Variants in NUDCD3 observed in about 807,000 individuals in gnomAD.
NUDCD3 encodes NudC domain containing 3, also known as nudC domain-containing protein 3.
NUDCD3 carries 13 observed loss-of-function variants against 39.7 expected under a neutral mutation model. The observed-to-expected ratio is 0.33, with a 90% CI of 0.21 to 0.52. The LOEUF (loss-of-function observed/expected upper bound fraction) is 0.52, where lower values mean the gene tolerates loss of function less well. Ranked by LOEUF, NUDCD3 falls within the 20% of genes least tolerant of loss-of-function variation. The pLI is 0.96. For synonymous variants in NUDCD3, 175 were observed against 172.4 expected (o/e 1.02, Z -0.12); for missense variants, 453 against 458.1 (o/e 0.99, Z 0.10).
At chr7:44,441,391 G>C (rs1799581911) in intron 2 of NUDCD3, among the ~76,000 whole-genome samples, 1 of 152,132 alleles carries the variant, frequency 6.6e-6, no homozygotes, top group South Asian at 2.1e-4. Context: ...TATATCCTGG[G>C]AGGACTTTCA....
chr7:44,415,497 T>A (rs533798173), intron 3 of NUDCD3, among the ~76,000 whole-genome samples: 19 of 152,376 alleles, frequency 1.2e-4, no homozygotes, highest in African/African-American at 3.8e-4. Flanking sequence ...TGATTTTTTT[T>A]AAATGTTACG....
intron 3 of NUDCD3, among the ~76,000 whole-genome samples, chr7:44,416,545 C>T (rs545644280): frequency 6.6e-6 from 1 of 151,786 alleles, no homozygotes; most frequent in South Asian, 2.1e-4. Context: ...GTAAGAATGA[C>T]ATGGGGAAAA....
At position 44,481,039 on chromosome 7, in the gene NUDCD3, A is replaced by T. The variant is rs150905889; in HGVS notation, c.509+3929T>A. Among the ~76,000 whole-genome samples, 735 of 150,802 alleles carry T rather than the reference A, an allele frequency of 4.9e-3. 5 individuals carry two copies. The highest frequency in any genetic ancestry group is 0.017 in the African/African-American group (681 of 41,082). On this transcript the variant is annotated intron_variant, in intron 2 of 5. Coordinates refer to ENST00000355451, the MANE Select transcript of NUDCD3 (RefSeq NM_015332.4). The stretch of plus-strand genomic sequence containing the variant: ...GAACATGTACAAACTTCTTGTCATT[A>T]TTCCCCAAATAATACAGTGTAACAA...
intron 4 of NUDCD3, among the ~76,000 whole-genome samples, chr7:44,394,093 C>T (rs78302376): frequency 2.6e-5 from 4 of 152,308 alleles, no homozygotes; most frequent in East Asian, 1.9e-4. Flanking sequence ...GGGTGGGCAC[C>T]GATGTGGTGC....
chr7:44,389,502 C>T (rs1798470152), intron 5 of NUDCD3, among the ~76,000 whole-genome samples: 1 of 152,206 alleles, frequency 6.6e-6, no homozygotes, highest in Admixed American at 6.5e-5. Context: ...CACGGTGAAA[C>T]CCCGTCTCTA....
At chr7:44,395,304 G>A (rs1292544057) in intron 4 of NUDCD3, among the ~76,000 whole-genome samples, 1 of 152,216 alleles carries the variant, frequency 6.6e-6, no homozygotes, top group Non-Finnish European at 1.5e-5. Flanking sequence ...CTCCAAGGGG[G>A]CCATCCTCAC....
intron 3 of NUDCD3, among the ~76,000 whole-genome samples, chr7:44,409,609 T>C (rs1312315225): frequency 6.7e-6 from 1 of 148,702 alleles, no homozygotes; most frequent in Admixed American, 6.7e-5. Flanking sequence ...GTATGGCCCA[T>C]ACATAGGAAA....
In NUDCD3 at chr7:44,449,578, G is replaced by A. The variant is rs75493893; in HGVS notation, c.510-21875C>T. On this transcript the variant is annotated intron_variant, in intron 2 of 5. Coordinates refer to ENST00000355451, the MANE Select transcript of NUDCD3 (RefSeq NM_015332.4). ...TACAGGAGGCTTACTATGCAAAGAAGCAGAAGGAAAGGGGCAGAAACATAT... is the reference window on the plus strand; with the variant it reads ...TACAGGAGGCTTACTATGCAAAGAAACAGAAGGAAAGGGGCAGAAACATAT... Among the ~76,000 whole-genome samples the A allele has an allele frequency of 5.1e-3, 780 of 152,256 alleles. 5 individuals carry two copies. Among genetic ancestry groups the A allele is most frequent in the African/African-American group, 0.018 (743 of 41,548 alleles).
intron 2 of NUDCD3, among the ~76,000 whole-genome samples, chr7:44,435,760 G>T (rs1799452458): frequency 6.6e-6 from 1 of 152,158 alleles, no homozygotes; most frequent in African/African-American, 2.4e-5. Flanking sequence ...GTGACAGAAG[G>T]ATCCAGAACA....
chr7:44,467,210 G>C (rs538154883), intron 2 of NUDCD3, among the ~76,000 whole-genome samples: 1 of 152,290 alleles, frequency 6.6e-6, no homozygotes, highest in South Asian at 2.1e-4. Context: ...CAGAAAAGGA[G>C]GGAAGGAAGG....
chr7:44,448,150 T>A (rs1381467218), intron 2 of NUDCD3, among the ~76,000 whole-genome samples: 1 of 152,240 alleles, frequency 6.6e-6, no homozygotes, highest in Admixed American at 6.5e-5. Flanking sequence ...GCCTTCAGCC[T>A]CCACTCTCCT....
At chr7:44,454,139 A>G (rs1242480352) in intron 2 of NUDCD3, among the ~76,000 whole-genome samples, 2 of 152,198 alleles carry the variant, frequency 1.3e-5, no homozygotes, top group East Asian at 3.8e-4. Flanking sequence ...GGAGATCAAG[A>G]CCATCCTGGC....
intron 2 of NUDCD3, among the ~76,000 whole-genome samples, chr7:44,480,535 A>C (rs763606435): frequency 2.6e-5 from 4 of 152,222 alleles, no homozygotes; most frequent in Non-Finnish European, 4.4e-5. Flanking sequence ...AGGTTCCACC[A>C]AAGAAACAGA....
chr7:44,468,349 C>CAAAAAAAAAAAAAAAAAAACAA, intron 2 of NUDCD3: 2 of 375,658 alleles, frequency 5.3e-6, no homozygotes, highest in Non-Finnish European at 8.4e-6. Flanking sequence ...GTAAAAACTG[C>CAAAAAAAAAAAAAAAAAAACAA]AAAAAAAAAA....
chr7:44,472,835 G>A (rs758435285), intron 2 of NUDCD3, among the ~76,000 whole-genome samples: 23 of 152,206 alleles, frequency 1.5e-4, no homozygotes, highest in Non-Finnish European at 2.9e-4. Context: ...CACCTAGGAT[G>A]GGGTCGGGTA....
chr7:44,380,540 C>A lies in NUDCD3; in HGVS notation c.*5471G>T, dbSNP rs1387708957. 1.3e-5 allele frequency: 2 copies of A among 152,298 alleles called. No homozygotes were observed. Among genetic ancestry groups the A allele is most frequent in the Non-Finnish European group, 2.9e-5 (2 of 68,100 alleles). The allele number at this position is 152,298 out of a possible 1,614,324, so 9.4% of individuals were successfully genotyped here. ...ACCTGGGTTTCCCAGCCTTTGATGA[C>A]CCCAAACGCTGTCTCTTCCCTAAGG... On this transcript the variant is annotated 3_prime_UTR_variant, in exon 6 of 6. Coordinates refer to ENST00000355451, the MANE Select transcript of NUDCD3 (RefSeq NM_015332.4).
intron 2 of NUDCD3, among the ~76,000 whole-genome samples, chr7:44,428,144 A>AG (rs1281406306): frequency 2.0e-5 from 3 of 150,238 alleles, no homozygotes; most frequent in African/African-American, 7.4e-5. Flanking sequence ...AAAAAAAAAA[A>AG]AAAAAAGAGG....
At chr7:44,487,207 T>C (rs1800629079) in intron 1 of NUDCD3, among the ~76,000 whole-genome samples, 1 of 152,230 alleles carries the variant, frequency 6.6e-6, no homozygotes. Context: ...TCATTCCTGC[T>C]GAGGTTCTTC....
At chr7:44,391,326 G>A (rs1798511084) in intron 5 of NUDCD3, among the ~76,000 whole-genome samples, 1 of 152,144 alleles carries the variant, frequency 6.6e-6, no homozygotes, top group Non-Finnish European at 1.5e-5. Context: ...CCTCATAAGA[G>A]CAGGATGCAC....
Sources: gnomAD v4.1 joint callset for allele counts (sites outside exome capture counted in the v4.1 genomes callset) on GRCh38, gnomAD v4.1.1 for gene constraint, MANE v1.5 for transcripts, NCBI Gene and HGNC (gene_info 2026-07-23, HGNC 2026-07-21) for gene names.